CASP8: variants seen among roughly 807,000 people sequenced by gnomAD.
The protein encoded by CASP8 is caspase 8.
A neutral mutation model predicts 46.3 loss-of-function variants in CASP8; 24 were observed. That is an observed-to-expected ratio of 0.52 (90% CI 0.38 to 0.73). CASP8 has a LOEUF of 0.73. Ranked by LOEUF, CASP8 falls within the 30% of genes least tolerant of loss-of-function variation. CASP8 has a pLI of 0.00. For synonymous variants in CASP8, 188 were observed against 200.4 expected, an observed-to-expected ratio of 0.94 and a Z score of 0.52; for missense variants, 460 against 559.0, an observed-to-expected ratio of 0.82 and a Z score of 1.79.
chr2:201,255,987 G>C (rs779525262), upstream of CASP8, among the ~76,000 whole-genome samples: 22 of 152,112 alleles, frequency 1.4e-4, no homozygotes, highest in Non-Finnish European at 2.5e-4. Flanking sequence ...CGATCTCTTG[G>C]GCTCAAGCGA....
At chr2:201,286,427 A>G (rs767559117) in intron 8 of CASP8, 32 bp from the exon 9 acceptor site, 48 of 1,608,436 alleles carry the variant, frequency 3.0e-5, no homozygotes, top group Non-Finnish European at 3.7e-5. Flanking sequence ...TTTCCCCCAC[A>G]GACAGTCACA....
At chr2:201,279,511 C>T (rs890388747) in intron 7 of CASP8, among the ~76,000 whole-genome samples, 3 of 152,188 alleles carry the variant, frequency 2.0e-5, no homozygotes, top group Admixed American at 2.0e-4. Context: ...ATGAAATGAT[C>T]AGGTCCCCAA....
intron 7 of CASP8, among the ~76,000 whole-genome samples, chr2:201,281,371 T>C (rs1257289634): frequency 1.3e-5 from 2 of 152,086 alleles, no homozygotes; most frequent in Non-Finnish European, 2.9e-5. Context: ...TGTAAATAAT[T>C]GAGTAAGAGC....
chr2:201,281,584 C>T (rs1262378460), intron 7 of CASP8, among the ~76,000 whole-genome samples: 1 of 144,668 alleles, frequency 6.9e-6, no homozygotes, highest in Non-Finnish European at 1.5e-5. Flanking sequence ...ATAAGGTCTT[C>T]TAGTTCTATC....
chr2:201,258,984 C>T (rs1302013636), upstream of CASP8, among the ~76,000 whole-genome samples: 5 of 89,120 alleles, frequency 5.6e-5, no homozygotes, highest in Non-Finnish European at 1.3e-4. Context: ...TTTAACTATG[C>T]GATCTCAGGC....
rs182251100 is a variant in CASP8, at chr2:201,249,810, C to T, written c.-27+15698C>T. 5.9e-5 allele frequency among the ~76,000 whole-genome samples: 9 copies of T among 152,302 alleles called. 1 individual carries two copies. Among genetic ancestry groups the T allele is most frequent in the African/African-American group, 1.9e-4 (8 of 41,568 alleles). On this transcript the variant is annotated intron_variant, in intron 2 of 6. Coordinates refer to the CASP8 transcript ENST00000264274. ...CACTTCTCCCCTCCCCACACTTTCC[C>T]GTTATTAACATCTTGCATTAGTGTG...
intron 2 of CASP8, among the ~76,000 whole-genome samples, chr2:201,238,220 C>T (rs761131851): frequency 2.0e-5 from 3 of 152,120 alleles, no homozygotes; most frequent in Non-Finnish European, 2.9e-5. Context: ...AGCTGAAATC[C>T]AGGTGACCCA....
At position 201,266,421 on chromosome 2, in the gene CASP8, T is replaced by C. The variant is rs1471159651; in HGVS notation, c.-26-40T>C. On this transcript the variant is annotated intron_variant, in intron 1 of 8. Transcript: ENST00000673742. The surrounding 1 kb of genome is among the most constrained non-coding windows in gnomAD (Gnocchi z 5.7). ...TGATGAACAAGCCAGCAAATGGTACTTTTCTTCCTTATCTGAACATACCAT... is the reference window on the plus strand; with the variant it reads ...TGATGAACAAGCCAGCAAATGGTACCTTTCTTCCTTATCTGAACATACCAT... 1.3e-6 allele frequency: 2 copies of C among 1,515,200 alleles called. No homozygotes were observed. Among genetic ancestry groups the C allele is most frequent in the Non-Finnish European group, 1.8e-6 (2 of 1,090,600 alleles). The allele number at this position is 1,515,200 out of a possible 1,614,324, so 93.9% of individuals were successfully genotyped here.
intron 7 of CASP8, among the ~76,000 whole-genome samples, chr2:201,279,238 A>C (rs1948843431): frequency 6.6e-6 from 1 of 152,220 alleles, no homozygotes; most frequent in Admixed American, 6.5e-5. Context: ...TTCTTATTCT[A>C]CCATCATAAG....
At position 201,272,674 on chromosome 2, in the gene CASP8, G is replaced by C. The variant is rs1316616570; in HGVS notation, c.448G>C (p.Val150Leu). Residue 150 changes from valine (V) to leucine (L), a missense_variant, in exon 4 of 9, where the codon GTC (valine) becomes CTC (leucine). Physicochemically the swap from Val to Leu is conservative, Grantham distance 32. Transcript: ENST00000673742. The surrounding 1 kb of genome is among the most constrained non-coding windows in gnomAD (Gnocchi z 4.4). ...LDIFIEMEKR[V>L]ILGEGKLDIL... The stretch of plus-strand genomic sequence containing the variant: ...TATTTTCATAGAGATGGAGAAGAGG[G>C]TCATCCTGGGAGAAGGAAAGTTGGA... 1 of 1,614,080 alleles carries C rather than the reference G, an allele frequency of 6.2e-7. No homozygotes were observed. The highest frequency in any genetic ancestry group is 1.3e-5 in the African/African-American group (1 of 75,038).
At chr2:201,242,577 G>A (rs1348462106) in intron 2 of CASP8, 1 of 152,058 alleles carries the variant, frequency 6.6e-6, no homozygotes, top group African/African-American at 2.4e-5. Context: ...TTCAACATAT[G>A]AATTTTAGGG....
intron 7 of CASP8, among the ~76,000 whole-genome samples, chr2:201,283,573 A>G (rs1280036476): frequency 2.3e-5 from 1 of 43,238 alleles, no homozygotes; most frequent in Admixed American, 2.0e-4. Context: ...CGGGGGGCTG[A>G]CCCCCCCACC....
At position 201,286,607 on chromosome 2, in the gene CASP8, G is replaced by T. The variant is rs1949572778; in HGVS notation, c.*13G>T. On this transcript the variant is annotated 3_prime_UTR_variant, in exon 9 of 9. Coordinates refer to ENST00000673742, the MANE Select transcript of CASP8 (RefSeq NM_001372051.1). ...CCCTTCTGATTGATGGTGCTATTTT[G>T]TTTGTTTTGTTTTGTTTTGTTTTTT... 6.2e-7 allele frequency: 1 copy of T among 1,611,312 alleles called. No homozygotes were observed. Among genetic ancestry groups the T allele is most frequent in the East Asian group, 2.2e-5 (1 of 44,782 alleles).
chr2:201,279,974 G>C lies in CASP8; in HGVS notation c.802+3006G>C, dbSNP rs959993422. ...TCTCAAATAAATAAATAAATTACTA[G>C]ATAAATGAGAGGCAATGCAAACAAC... On this transcript the variant is annotated intron_variant, in intron 7 of 8. Coordinates refer to ENST00000673742, the MANE Select transcript of CASP8 (RefSeq NM_001372051.1). Among the ~76,000 whole-genome samples, 3 of 151,818 alleles carry C rather than the reference G, an allele frequency of 2.0e-5. 1 individual carries two copies. The highest frequency in any genetic ancestry group is 4.2e-4 in the South Asian group (2 of 4,814).
In CASP8 at chr2:201,272,990, G is replaced by T; in HGVS notation, c.595+48G>T. The T allele has an allele frequency of 1.3e-6, 2 of 1,486,010 alleles. No homozygotes were observed. Among genetic ancestry groups the T allele is most frequent in the South Asian group, 2.3e-5 (2 of 88,424 alleles). The allele number at this position is 1,486,010 out of a possible 1,614,324, so 92.1% of individuals were successfully genotyped here. A position where few individuals can be genotyped will look rare whatever the true frequency, so the allele number is the denominator to read the frequency against. ...CAAGATTTAGTTAATTTACTATCTGGTACCTGCATGTGTCCTCCCCACAGC... is the reference window on the plus strand; with the variant it reads ...CAAGATTTAGTTAATTTACTATCTGTTACCTGCATGTGTCCTCCCCACAGC... On this transcript the variant is annotated intron_variant, in intron 5 of 8. Coordinates refer to ENST00000673742, the MANE Select transcript of CASP8 (RefSeq NM_001372051.1). The surrounding 1 kb of genome is among the most constrained non-coding windows in gnomAD (Gnocchi z 4.4).
intron 7 of CASP8, chr2:201,282,004 C>T (rs1576369418): frequency 2.6e-5 from 4 of 155,270 alleles, no homozygotes; most frequent in East Asian, 4.2e-4. Flanking sequence ...GGCAGGGTCA[C>T]AGGACAATAG....
chr2:201,248,390 C>T (rs1242579678), intron 2 of CASP8, among the ~76,000 whole-genome samples: 2 of 152,134 alleles, frequency 1.3e-5, no homozygotes, highest in Non-Finnish European at 2.9e-5. Flanking sequence ...ATGCAGCTGA[C>T]AATGGAGGCG....
At chr2:201,246,206 C>T (rs1413427909) in intron 2 of CASP8, among the ~76,000 whole-genome samples, 2 of 152,186 alleles carry the variant, frequency 1.3e-5, no homozygotes, top group African/African-American at 4.8e-5. Context: ...TTCTGGATTG[C>T]AGGCCTCTTT....
At chr2:201,237,407 A>C (rs1435080736) in intron 2 of CASP8, among the ~76,000 whole-genome samples, 3 of 148,284 alleles carry the variant, frequency 2.0e-5, no homozygotes, top group Non-Finnish European at 3.0e-5. Context: ...CTCTATCTTT[A>C]TGAAAACATC....
Sources: allele counts gnomAD v4.1 joint callset (sites outside exome capture counted in the v4.1 genomes callset), GRCh38; gene constraint gnomAD v4.1.1; non-coding constraint Gnocchi (gnomAD v3.1); transcripts MANE v1.5; gene names NCBI Gene and HGNC (gene_info 2026-07-23, HGNC 2026-07-21).